TRIM44: variants seen among roughly 807,000 people sequenced by gnomAD.
The protein encoded by TRIM44 is tripartite motif-containing protein 44.
A neutral mutation model predicts 37.4 loss-of-function variants in TRIM44; 13 were observed. The ratio of observed to expected loss-of-function variants is 0.35; its 90% CI spans 0.23 to 0.55. The LOEUF is 0.55. TRIM44 is among the 20% of genes least tolerant of loss of function. The pLI, the probability that TRIM44 is intolerant of heterozygous loss-of-function variation, is 0.89. For synonymous variants in TRIM44, 175 were observed against 157.2 expected (o/e 1.11, Z -0.85); for missense variants, 426 against 437.2 (o/e 0.97, Z 0.23).
At chr11:35,679,640 A>G (rs1564945512) in intron 1 of TRIM44, among the ~76,000 whole-genome samples, 1 of 152,218 alleles carries the variant, frequency 6.6e-6, no homozygotes, top group Non-Finnish European at 1.5e-5. Context: ...CTATATGGGA[A>G]TGGGAGCCCA....
intron 4 of TRIM44, among the ~76,000 whole-genome samples, chr11:35,771,458 G>A (rs1590587715): frequency 6.6e-6 from 1 of 152,188 alleles, no homozygotes. Context: ...GCGCACGGTG[G>A]CTCATGCCTG....
chr11:35,679,158 A>G (rs554171598), intron 1 of TRIM44, among the ~76,000 whole-genome samples: 71 of 152,254 alleles, frequency 4.7e-4, no homozygotes, highest in African/African-American at 1.7e-3. Context: ...TATGTGGCTT[A>G]TATTTACATT....
intron 2 of TRIM44, among the ~76,000 whole-genome samples, chr11:35,714,932 T>A (rs897492828): frequency 3.3e-5 from 5 of 152,186 alleles, no homozygotes. Flanking sequence ...TGGGGACACA[T>A]TCTTCTAGTT....
At chr11:35,677,049 A>G (rs1275745751) in intron 1 of TRIM44, among the ~76,000 whole-genome samples, 5 of 152,132 alleles carry the variant, frequency 3.3e-5, no homozygotes, top group African/African-American at 7.2e-5. Context: ...CTTTTCATAT[A>G]TTGTTTCATT....
At chr11:35,710,177 A>G (rs922081377) in intron 2 of TRIM44, among the ~76,000 whole-genome samples, 43 of 152,190 alleles carry the variant, frequency 2.8e-4, no homozygotes, top group African/African-American at 1.0e-3. Context: ...GTTAGGTTAC[A>G]GTTCATCCAC....
intron 1 of TRIM44, among the ~76,000 whole-genome samples, chr11:35,667,975 G>C (rs1851350573): frequency 6.6e-6 from 1 of 152,088 alleles, no homozygotes; most frequent in Non-Finnish European, 1.5e-5. Context: ...TTCATAGTCT[G>C]AGGCAGAGTG....
intron 2 of TRIM44, among the ~76,000 whole-genome samples, chr11:35,717,717 G>A (rs1852054969): frequency 6.6e-6 from 1 of 152,096 alleles, no homozygotes; most frequent in Admixed American, 6.6e-5. Flanking sequence ...CCACTGGTAA[G>A]CAATTCAGAA....
intron 3 of TRIM44, among the ~76,000 whole-genome samples, chr11:35,726,370 A>G (rs1258543742): frequency 6.6e-6 from 1 of 151,754 alleles, no homozygotes; most frequent in Non-Finnish European, 1.5e-5. Flanking sequence ...ATCCATCATT[A>G]CTTTAAGGAG....
At chr11:35,772,343 A>C (rs1408196119) in intron 4 of TRIM44, among the ~76,000 whole-genome samples, 1 of 152,216 alleles carries the variant, frequency 6.6e-6, no homozygotes, top group East Asian at 1.9e-4. Flanking sequence ...GGCACTGCCT[A>C]GTGGAGCTGT....
At chr11:35,699,467 C>T (rs1428023232) in intron 2 of TRIM44, among the ~76,000 whole-genome samples, 1 of 151,982 alleles carries the variant, frequency 6.6e-6, no homozygotes, top group Non-Finnish European at 1.5e-5. Context: ...ATAATAAGAG[C>T]CATCTATGAC....
chr11:35,741,569 A>C (rs891835288), intron 4 of TRIM44, among the ~76,000 whole-genome samples: 28 of 152,154 alleles, frequency 1.8e-4, no homozygotes, highest in Admixed American at 3.3e-4. Flanking sequence ...TAATGCTAAG[A>C]AAAAAGGGCC....
chr11:35,699,973 T>C (rs1254235947), intron 2 of TRIM44, among the ~76,000 whole-genome samples: 2 of 152,092 alleles, frequency 1.3e-5, no homozygotes, highest in Non-Finnish European at 2.9e-5. Flanking sequence ...TGGAAGAACA[T>C]TCCATGCTCA....
rs1485953937 is a variant in TRIM44 at position 35,812,174 on chromosome 11, C to CTCTT, written c.*5791_*5794dup. 6.6e-6 allele frequency: 1 copy of CTCTT among 152,094 alleles called. No homozygotes were observed. The highest frequency in any genetic ancestry group is 1.5e-5 in the Non-Finnish European group (1 of 68,002). The allele number at this position is 152,094 out of a possible 1,614,324, so 9.4% of individuals were successfully genotyped here. On this transcript the variant is annotated 3_prime_UTR_variant, in exon 5 of 5. Coordinates refer to ENST00000299413, the MANE Select transcript of TRIM44 (RefSeq NM_017583.6). ...TACAACTCTATATTTTATTTTATTACTCTTTGTTTGGTCCAACATGGCCCC... is the reference window on the plus strand; with the variant it reads ...TACAACTCTATATTTTATTTTATTACTCTTTCTTTGTTTGGTCCAACATGGCCCC...
chr11:35,732,961 T>C (rs1233012852), intron 3 of TRIM44, among the ~76,000 whole-genome samples: 1 of 152,350 alleles, frequency 6.6e-6, no homozygotes, highest in East Asian at 1.9e-4. Flanking sequence ...AGCAAAACTT[T>C]GTGTCCCATC....
At position 35,815,840 on chromosome 11, in the gene TRIM44, G is replaced by C. The variant is rs1853575391; in HGVS notation, c.*9455G>C. The C allele has an allele frequency of 1.3e-5, 2 of 152,296 alleles. No homozygotes were observed. Among genetic ancestry groups the C allele is most frequent in the South Asian group, 4.1e-4 (2 of 4,824 alleles). 9.4% of individuals were successfully genotyped at this position (152,296 alleles called of 1,614,324 possible). ...TCTGGGACAATGAGAAAATCCATCT[G>C]GAGTGTTTATGCCCCTCTGAATAGC... On this transcript the variant is annotated 3_prime_UTR_variant, in exon 5 of 5. Coordinates refer to ENST00000299413, the MANE Select transcript of TRIM44 (RefSeq NM_017583.6).
intron 2 of TRIM44, among the ~76,000 whole-genome samples, chr11:35,707,698 C>T (rs1184314976): frequency 6.8e-6 from 1 of 147,850 alleles, no homozygotes; most frequent in Admixed American, 6.8e-5. Flanking sequence ...GCTGGGAAAA[C>T]TGGCTAGCCA....
At chr11:35,762,621 A>G (rs1413705396) in intron 4 of TRIM44, among the ~76,000 whole-genome samples, 1 of 152,172 alleles carries the variant, frequency 6.6e-6, no homozygotes, top group Non-Finnish European at 1.5e-5. Context: ...AATATGTGAA[A>G]TAACCAGACA....
intron 1 of TRIM44, among the ~76,000 whole-genome samples, chr11:35,670,826 A>C (rs918173719): frequency 2.0e-5 from 3 of 152,208 alleles, no homozygotes; most frequent in African/African-American, 7.2e-5. Flanking sequence ...GACTGGAGTA[A>C]TATTTTCTTT....
At chr11:35,715,647 A>G (rs528513783) in intron 2 of TRIM44, among the ~76,000 whole-genome samples, 2 of 152,198 alleles carry the variant, frequency 1.3e-5, no homozygotes, top group South Asian at 2.1e-4. Context: ...TGACTGAGAT[A>G]GGGGGTGTAT....
Sources: allele counts gnomAD v4.1 joint callset (sites outside exome capture counted in the v4.1 genomes callset), GRCh38; gene constraint gnomAD v4.1.1; transcripts MANE v1.5; gene names NCBI Gene and HGNC (gene_info 2026-07-23, HGNC 2026-07-21).